The following RPS6KA1 variants were observed in gnomAD, a reference collection of about 807,000 sequenced individuals.
RPS6KA1 encodes the protein ribosomal protein S6 kinase A1.
RPS6KA1 carries 48 observed loss-of-function variants against 91.3 expected under a neutral mutation model. The ratio of observed to expected loss-of-function variants is 0.53; its 90% CI spans 0.42 to 0.67. RPS6KA1 has a LOEUF of 0.67. RPS6KA1 is among the 30% of genes least tolerant of loss of function. The pLI is 0.00. For synonymous variants in RPS6KA1, 359 were observed against 384.7 expected (o/e 0.93, Z 0.78); for missense variants, 719 against 960.5 (o/e 0.75, Z 3.32).
chr1:26,542,828 C>T (rs1161320906), intron 2 of RPS6KA1, among the ~76,000 whole-genome samples: 1 of 152,200 alleles, frequency 6.6e-6, no homozygotes, highest in Non-Finnish European at 1.5e-5. Flanking sequence ...CTCTCAGGTC[C>T]TCCCCTCACG....
At chr1:26,552,955 C>T (rs985762337) in intron 6 of RPS6KA1, 23 of 306,794 alleles carry the variant, frequency 7.5e-5, no homozygotes, top group Non-Finnish European at 1.4e-4. Flanking sequence ...CAAACAAATC[C>T]GATATATGTT....
chr1:26,556,933 G>A, intron 12 of RPS6KA1, 65 bp from the exon 13 acceptor site: 1 of 1,334,046 alleles, frequency 7.5e-7, no homozygotes, highest in Non-Finnish European at 1.1e-6. Context: ...ACCTCCTCCT[G>A]CATGGGGCTC....
chr1:26,573,889 G>C (rs2076272386), intron 21 of RPS6KA1, among the ~76,000 whole-genome samples, 190 bp from the exon 22 acceptor site: 1 of 151,626 alleles, frequency 6.6e-6, no homozygotes, highest in South Asian at 2.1e-4. Context: ...AGTGAGCCAA[G>C]ATTGTGCCAT....
At chr1:26,573,798 TGTG>T (rs775741085) in intron 21 of RPS6KA1, among the ~76,000 whole-genome samples, 1 of 151,858 alleles carries the variant, frequency 6.6e-6, no homozygotes, top group Non-Finnish European at 1.5e-5. Context: ...ATTAGCCAGG[TGTG>T]GTGGCAAGCG....
chr1:26,548,748 G>C (rs1396795002), intron 4 of RPS6KA1, among the ~76,000 whole-genome samples: 1 of 151,172 alleles, frequency 6.6e-6, no homozygotes. Context: ...GCAGTGAGCC[G>C]AGATCGCGCC....
chr1:26,547,454 G>A lies in RPS6KA1; in HGVS notation c.307+184G>A. On this transcript the variant is annotated intron_variant, in intron 4 of 21. Coordinates refer to ENST00000374168, the MANE Select transcript of RPS6KA1 (RefSeq NM_002953.4). The surrounding 1 kb of genome is among the most constrained non-coding windows in gnomAD (Gnocchi z 4.1). ...GCCAATCCTCCTCCCCCTAAGCCAA[G>A]TGCTAGTGACTGGCTGTGAAGGTCT... 1.7e-6 allele frequency: 1 copy of A among 590,384 alleles called. No homozygotes were observed. Among genetic ancestry groups the A allele is most frequent in the Non-Finnish European group, 3.0e-6 (1 of 328,684 alleles). 36.6% of individuals were successfully genotyped at this position (590,384 alleles called of 1,614,324 possible). A position where few individuals can be genotyped will look rare whatever the true frequency, so the allele number is the denominator to read the frequency against.
chr1:26,555,514 A>G lies in RPS6KA1; in HGVS notation c.828-23A>G. 1 of 1,565,954 alleles carries G rather than the reference A, an allele frequency of 6.4e-7. No homozygotes were observed. The highest frequency in any genetic ancestry group is 8.7e-7 in the Non-Finnish European group (1 of 1,153,868). On this transcript the variant is annotated intron_variant, in intron 10 of 21. Transcript: ENST00000374168. This position sits in a 1 kb window ranked among gnomAD's most constrained non-coding sequence, Gnocchi z 4.3. ...GCCTCTGGGGCAGGGCTCAGCCTTGATGAGTCCCGGGGGCTGTTTCAGGGC... is the reference window on the plus strand; with the variant it reads ...GCCTCTGGGGCAGGGCTCAGCCTTGGTGAGTCCCGGGGGCTGTTTCAGGGC...
chr1:26,540,767 A>G lies in RPS6KA1; in HGVS notation c.108+3798A>G, dbSNP rs1205913867. Among the ~76,000 whole-genome samples the G allele has an allele frequency of 6.6e-6, 1 of 152,186 alleles. No individual in the cohort carries two copies. The highest frequency in any genetic ancestry group is 1.5e-5 in the Non-Finnish European group (1 of 68,036). On this transcript the variant is annotated intron_variant, in intron 2 of 21. Coordinates refer to ENST00000374168, the MANE Select transcript of RPS6KA1 (RefSeq NM_002953.4). This position sits in a 1 kb window ranked among gnomAD's most constrained non-coding sequence, Gnocchi z 4.2. ...GGAGTTCAACACAAGCCTGGGCAAC[A>G]CAGGGAGACCCATCCTCTACAAAAA...
Position 26,529,895 on chromosome 1 carries a change from A to G in RPS6KA1, c.-26A>G. 7.1e-7 allele frequency: 1 copy of G among 1,415,514 alleles called. No individual in the cohort carries two copies. The highest frequency in any genetic ancestry group is 2.6e-5 in the Admixed American group (1 of 37,964). The allele number at this position is 1,415,514 out of a possible 1,614,324, so 87.7% of individuals were successfully genotyped here. On this transcript the variant is annotated 5_prime_UTR_variant, in exon 1 of 22. Transcript: ENST00000374168. This position sits in a 1 kb window ranked among gnomAD's most constrained non-coding sequence, Gnocchi z 4.2. ...GCGGCGCAGCCGGGGCCGCCGGAGG[A>G]GCGCGGGTGACCTGGCGGCGGCGAG...
chr1:26,567,379 G>A (rs1252535436), intron 17 of RPS6KA1, among the ~76,000 whole-genome samples: 1 of 151,330 alleles, frequency 6.6e-6, no homozygotes, highest in Non-Finnish European at 1.5e-5. Context: ...TTTTGTTGTT[G>A]TTGTTTGTTT....
chr1:26,560,860 C>T lies in RPS6KA1; in HGVS notation c.1341+9C>T. 1.9e-6 allele frequency: 3 copies of T among 1,614,166 alleles called. No individual in the cohort carries two copies. Among genetic ancestry groups the T allele is most frequent in the Non-Finnish European group, 2.5e-6 (3 of 1,180,022 alleles). ...TGGAGTATGCTGTCAAGGTGGGCCT[C>T]CTGACCACGTCTCGGCCAAGGCTGC... is the stretch of plus-strand genomic sequence containing the variant. On this transcript the variant is annotated intron_variant, in intron 15 of 21. Transcript: ENST00000374168.
chr1:26,557,890 G>A (rs1186190075), intron 13 of RPS6KA1, among the ~76,000 whole-genome samples: 9 of 150,260 alleles, frequency 6.0e-5, no homozygotes, highest in African/African-American at 1.2e-4. Flanking sequence ...ATGCAATGGC[G>A]TGATCTCAGC....
chr1:26,533,576 C>T (rs1227388921), intron 1 of RPS6KA1, among the ~76,000 whole-genome samples: 1 of 152,058 alleles, frequency 6.6e-6, no homozygotes, highest in Non-Finnish European at 1.5e-5. Context: ...TGTGGTGGTG[C>T]GGCCTATATT....
Position 26,561,967 on chromosome 1 carries a change from G to A in RPS6KA1, c.1590+304G>A, listed in dbSNP as rs542331226. On this transcript the variant is annotated intron_variant, in intron 17 of 21. Coordinates refer to ENST00000374168, the MANE Select transcript of RPS6KA1 (RefSeq NM_002953.4). This position sits in a 1 kb window ranked among gnomAD's most constrained non-coding sequence, Gnocchi z 5.7. ...CCTGTAATCCCAGCAACTTGGGAGG[G>A]CAACGCAGGTGGATCACTTGAGGTC... Among the ~76,000 whole-genome samples, 65 of 152,168 alleles carry A rather than the reference G, an allele frequency of 4.3e-4. No individual in the cohort carries two copies. The highest frequency in any genetic ancestry group is 1.4e-3 in the African/African-American group (60 of 41,524).
At chr1:26,563,031 G>C (rs892259002) in intron 17 of RPS6KA1, among the ~76,000 whole-genome samples, 3 of 151,748 alleles carry the variant, frequency 2.0e-5, no homozygotes, top group African/African-American at 7.3e-5. Context: ...TAGAGATGGG[G>C]TTTCACCATG....
chr1:26,559,491 C>T lies in RPS6KA1; in HGVS notation c.1215+554C>T, dbSNP rs117379781. On this transcript the variant is annotated intron_variant, in intron 14 of 21. Transcript: ENST00000374168. ...AAAAAATTCTCCTGCCTCAGTCTCC[C>T]GAATAGCTGGGACTACAGATATACA... Among the ~76,000 whole-genome samples, 34 of 152,040 alleles carry T rather than the reference C, an allele frequency of 2.2e-4. No individual in the cohort carries two copies. The East Asian group carries it at 6.0e-3, about 27-fold the overall frequency.
In RPS6KA1 at chr1:26,568,923, T is replaced by C. The variant is rs566840418; in HGVS notation, c.1591-2526T>C. Among the ~76,000 whole-genome samples the C allele has an allele frequency of 1.6e-4, 24 of 152,112 alleles. No individual in the cohort carries two copies. In the East Asian group the frequency reaches 4.5e-3, roughly 28 times the overall value. On this transcript the variant is annotated intron_variant, in intron 17 of 21. Coordinates refer to ENST00000374168, the MANE Select transcript of RPS6KA1 (RefSeq NM_002953.4). ...GTGAGTTGTCCTCTCAGGCTGGGCG[T>C]AGTGGCTCACACCTGTAATCCCAGC...
intron 1 of RPS6KA1, among the ~76,000 whole-genome samples, chr1:26,533,940 A>G (rs1250235239): frequency 6.6e-6 from 1 of 152,112 alleles, no homozygotes; most frequent in Non-Finnish European, 1.5e-5. Context: ...TCTGTTCTCC[A>G]GGGCTGCCTG....
In RPS6KA1 at chr1:26,529,774, C is replaced by CGCGGCGGCG; in HGVS notation, c.-139_-131dup. Reference sequence around the variant, plus strand: ...ACGGAGGGAGCCGAAGTGCTAGTGCCGCGGCGGCGGCGGCGGACGGCCCAG... The same window carrying CGCGGCGGCG: ...ACGGAGGGAGCCGAAGTGCTAGTGCCGCGGCGGCGGCGGCGGCGGCGGCGGACGGCCCAG... On this transcript the variant is annotated 5_prime_UTR_variant, in exon 1 of 22. Transcript: ENST00000374168. This position sits in a 1 kb window ranked among gnomAD's most constrained non-coding sequence, Gnocchi z 4.2. 1 of 405,668 alleles carries CGCGGCGGCG rather than the reference C, an allele frequency of 2.5e-6. No individual in the cohort carries two copies. Among genetic ancestry groups the CGCGGCGGCG allele is most frequent in the Non-Finnish European group, 3.8e-6 (1 of 266,550 alleles). 25.1% of individuals were successfully genotyped at this position (405,668 alleles called of 1,614,324 possible).
Sources: allele counts gnomAD v4.1 joint callset (sites outside exome capture counted in the v4.1 genomes callset), GRCh38; gene constraint gnomAD v4.1.1; non-coding constraint Gnocchi (gnomAD v3.1); transcripts MANE v1.5; gene names NCBI Gene and HGNC (gene_info 2026-07-23, HGNC 2026-07-21).